The following ROS1 variants were observed in gnomAD, a reference collection of about 807,000 sequenced individuals.
ROS1 encodes the protein ROS proto-oncogene 1, receptor tyrosine kinase.
ROS1 carries 263 observed loss-of-function variants against 273.5 expected under a neutral mutation model. That is an observed-to-expected ratio of 0.96 (90% CI 0.87 to 1.06). ROS1 has a LOEUF of 1.06. Ranked by LOEUF, ROS1 falls within the 50% of genes least tolerant of loss-of-function variation. The pLI is 0.00. For missense variants in ROS1, 2,833 were observed against 2,751.1 expected, an observed-to-expected ratio of 1.03 and a Z score of -0.67; for synonymous variants, 1,008 against 954.1, an observed-to-expected ratio of 1.06 and a Z score of -1.04.
At chr6:117,420,890 A>G (rs76166837) in intron 1 of ROS1, among the ~76,000 whole-genome samples, 3,161 of 151,162 alleles carry the variant, frequency 0.021, 112 homozygotes, top group African/African-American at 0.072. Context: ...TAGTTAAACA[A>G]TAATATCCTC....
intron 27 of ROS1, 121 bp downstream of exon 27, chr6:117,352,869 T>C: frequency 1.2e-6 from 1 of 826,720 alleles, no homozygotes; most frequent in Non-Finnish European, 1.9e-6. Context: ...TAGCAGAGTT[T>C]GGAGCAAGGA....
At chr6:117,354,219 A>G (rs2128639787) in intron 26 of ROS1, among the ~76,000 whole-genome samples, 1 of 152,140 alleles carries the variant, frequency 6.6e-6, no homozygotes, top group South Asian at 2.1e-4. Context: ...GAGGCATGGT[A>G]GTGTGCACCT....
chr6:117,328,958 A>T (rs1369449461), intron 33 of ROS1: 7 of 577,940 alleles, frequency 1.2e-5, no homozygotes, highest in Non-Finnish European at 2.4e-5. Flanking sequence ...GAGAGTATTC[A>T]CCTTGCTAAA....
intron 13 of ROS1, 49 bp from the exon 14 acceptor site, chr6:117,388,041 G>A (rs750783027): frequency 4.3e-6 from 7 of 1,610,358 alleles, no homozygotes; most frequent in Non-Finnish European, 5.9e-6. Context: ...ACATCTGCAA[G>A]GGCAAACCAA....
At chr6:117,420,413 T>C (rs1287795994) in intron 1 of ROS1, among the ~76,000 whole-genome samples, 3 of 124,180 alleles carry the variant, frequency 2.4e-5, no homozygotes, top group East Asian at 2.5e-4. Context: ...CTTTACTTCC[T>C]ACCCTAATAA....
intron 43 of ROS1, 40 bp from the exon 44 acceptor site, chr6:117,288,842 A>T (rs772901464): frequency 3.4e-6 from 5 of 1,470,896 alleles, no homozygotes; most frequent in Non-Finnish European, 4.6e-6. Context: ...CATGTATTTA[A>T]TTATTTATTT....
At chr6:117,387,675 A>G (rs2128699944) in intron 14 of ROS1, 105 bp downstream of exon 14, 1 of 1,143,316 alleles carries the variant, frequency 8.7e-7, no homozygotes, top group Middle Eastern at 3.0e-4. Context: ...AGGTCAATAC[A>G]CCCTCATTCT....
In ROS1 at chr6:117,403,341, G is replaced by T. The variant is rs76988725; in HGVS notation, c.466-64C>A. The stretch of plus-strand genomic sequence containing the variant: ...CAGCACCCCACATTGGGACTAAAAA[G>T]CATAGATTAATTTGTAGAAGATGGA... On this transcript the variant is annotated intron_variant, in intron 6 of 43. Transcript: ENST00000368507. 9.9e-3 allele frequency: 14,763 copies of T among 1,484,914 alleles called. 93 individuals carry two copies. Among genetic ancestry groups the T allele is most frequent in the Non-Finnish European group, 0.012 (13,339 of 1,091,250 alleles). The allele number at this position is 1,484,914 out of a possible 1,614,324, so 92.0% of individuals were successfully genotyped here.
At chr6:117,362,575 C>T (rs755626468) in intron 22 of ROS1, 28 bp downstream of exon 22, 2 of 1,601,360 alleles carry the variant, frequency 1.2e-6, no homozygotes, top group Non-Finnish European at 1.7e-6. Context: ...TATTAAGACT[C>T]TCATATCTTC....
At chr6:117,387,666 G>C (rs1772693545) in intron 14 of ROS1, 114 bp downstream of exon 14, 1 of 1,033,070 alleles carries the variant, frequency 9.7e-7, no homozygotes, top group East Asian at 2.4e-5. Flanking sequence ...ATACTCAAGA[G>C]GTCAATACAC....
At position 117,326,355 on chromosome 6, in the gene ROS1, C is replaced by A. The variant is rs1776645074; in HGVS notation, c.5408G>T (p.Gly1803Val). The A allele has an allele frequency of 1.3e-6, 2 of 1,578,346 alleles. No homozygotes were observed. Among genetic ancestry groups the A allele is most frequent in the Non-Finnish European group, 1.7e-6 (2 of 1,167,966 alleles). The change falls in exon 34 of 44, where the codon GGA (glycine) becomes GTA (valine). Residue 1803 changes from glycine (G) to valine (V), a missense_variant. Transcript: ENST00000368507. ...QNLRWKMTFN[G>V]SCSSVCTWKS... ...CCATGTGCAAACACTACTGCAGGAT[C>A]CATTAAATGTCATCTTCCACCTTAA...
At chr6:117,289,211 C>T (rs1773649756) in intron 43 of ROS1, among the ~76,000 whole-genome samples, 1 of 152,168 alleles carries the variant, frequency 6.6e-6, no homozygotes, top group African/African-American at 2.4e-5. Context: ...TTTATACTTC[C>T]ACAGCAACTG....
Position 117,394,723 on chromosome 6 carries a change from T to C in ROS1, c.899A>G (p.Gln300Arg), listed in dbSNP as rs989723092. ...AGTTTTTCTGGATAAAAAGAGCCAC[T>C]GTTCCTCTTGTTGAACTGAAAAAAA... ...TSSSAVQQEEQWLFLSRKTSL... is the reference protein window; with the variant it reads ...TSSSAVQQEERWLFLSRKTSL... The change falls in exon 10 of 44, where the codon CAG (glutamine) becomes CGG (arginine). Residue 300 changes from glutamine to arginine, a missense_variant. By Grantham distance (43) the Gln-to-Arg change is conservative. Coordinates refer to ENST00000368507, the MANE Select transcript of ROS1 (RefSeq NM_001378902.1). 4 of 1,609,658 alleles carry C rather than the reference T, an allele frequency of 2.5e-6. No individual in the cohort carries two copies. Among genetic ancestry groups the C allele is most frequent in the Middle Eastern group, 1.7e-4 (1 of 6,022 alleles).
Position 117,425,864 on chromosome 6 carries a change from C to G in ROS1, c.-208G>C. ...GAATGCTTGAAAGCTTGTAACAGTT[C>G]CATAAGAGCTATTTCATAACAGCTT... On this transcript the variant is annotated 5_prime_UTR_variant, in exon 1 of 44. Transcript: ENST00000368507. 2.1e-6 allele frequency: 1 copy of G among 480,914 alleles called. No homozygotes were observed. Among genetic ancestry groups the G allele is most frequent in the Non-Finnish European group, 3.6e-6 (1 of 275,284 alleles). The allele number at this position is 480,914 out of a possible 1,614,324, so 29.8% of individuals were successfully genotyped here.
intron 6 of ROS1, among the ~76,000 whole-genome samples, chr6:117,403,851 TGA>T (rs1774158957): frequency 6.7e-6 from 1 of 149,928 alleles, no homozygotes; most frequent in Non-Finnish European, 1.5e-5. Flanking sequence ...ACAGAGCAGC[TGA>T]GATTAAAGTT....
rs750511195 is a variant in ROS1 at position 117,383,448 on chromosome 6, C to T, written c.2350G>A (p.Val784Met). Residue 784 changes from valine (V) to methionine (M), a missense_variant, in exon 17 of 44, where the codon GTG becomes ATG. Coordinates refer to ENST00000368507, the MANE Select transcript of ROS1 (RefSeq NM_001378902.1). ...TDIVTHVKLL[V>M]NDMVVDSVGG... Reference sequence around the variant, plus strand: ...ACTGAATCCACCACCATGTCATTCACCAATAGCTTCACGTGGGTAACAATG... The same window carrying T: ...ACTGAATCCACCACCATGTCATTCATCAATAGCTTCACGTGGGTAACAATG... 2 of 1,613,978 alleles carry T rather than the reference C, an allele frequency of 1.2e-6. No individual in the cohort carries two copies. The highest frequency in any genetic ancestry group is 1.7e-5 in the Admixed American group (1 of 59,998).
At chr6:117,303,793 G>C (rs2128540702) in intron 42 of ROS1, among the ~76,000 whole-genome samples, 1 of 152,326 alleles carries the variant, frequency 6.6e-6, no homozygotes, top group Middle Eastern at 3.4e-3. Flanking sequence ...GAGAGATAAT[G>C]ATGGTGTGGA....
At chr6:117,354,452 G>C (rs937439074) in intron 26 of ROS1, among the ~76,000 whole-genome samples, 7 of 152,142 alleles carry the variant, frequency 4.6e-5, no homozygotes, top group Admixed American at 4.6e-4. Flanking sequence ...TGTAAATTTA[G>C]AGGTAAGAAC....
chr6:117,320,915 G>A (rs2128561949), intron 36 of ROS1, among the ~76,000 whole-genome samples: 1 of 152,168 alleles, frequency 6.6e-6, no homozygotes, highest in African/African-American at 2.4e-5. Flanking sequence ...CGTAACACAA[G>A]GCTCTCAAAA....
Sources: allele counts gnomAD v4.1 joint callset (sites outside exome capture counted in the v4.1 genomes callset), GRCh38; gene constraint gnomAD v4.1.1; transcripts MANE v1.5; gene names NCBI Gene and HGNC (gene_info 2026-07-23, HGNC 2026-07-21).